The following SLC24A2 variants were observed in gnomAD, a reference collection of about 807,000 sequenced individuals.
SLC24A2 encodes sodium/potassium/calcium exchanger 2.
SLC24A2 carries 36 observed loss-of-function variants against 62.0 expected under a neutral mutation model. The observed-to-expected ratio is 0.58, with a 90% CI of 0.44 to 0.77. The LOEUF (loss-of-function observed/expected upper bound fraction) is 0.77. Among genes scored for constraint, SLC24A2 ranks in the 30% least tolerant of loss-of-function variants. The pLI is 0.00. For missense variants in SLC24A2, 846 were observed against 817.9 expected (o/e 1.03, Z -0.42); for synonymous variants, 358 against 294.0 (o/e 1.22, Z -2.23).
the SLC24A2 span, among the ~76,000 whole-genome samples, chr9:20,303,064 T>C: frequency 2.0e-4 from 31 of 152,224 alleles, no homozygotes; most frequent in African/African-American, 3.9e-4. Context: ...CATGTGACAA[T>C]ATCCATCTTA....
At chr9:20,060,102 T>C in the SLC24A2 span, among the ~76,000 whole-genome samples, 2 of 152,042 alleles carry the variant, frequency 1.3e-5, no homozygotes, top group African/African-American at 4.8e-5. Flanking sequence ...AAATTTGCTC[T>C]TGAAGAAATA....
rs1243368144 is a variant in SLC24A2 at position 19,521,874 on chromosome 9, C to CT, written c.1570-815dup. Among the ~76,000 whole-genome samples, 824 of 130,844 alleles carry CT rather than the reference C, an allele frequency of 6.3e-3. 3 individuals carry two copies. Among genetic ancestry groups the CT allele is most frequent in the African/African-American group, 0.019 (664 of 34,984 alleles). 85.8% of individuals were successfully genotyped at this position (130,844 alleles called of 152,430 possible). Reference sequence around the variant, plus strand: ...GCTATTACTTTTTTTCTTTTTTTTTCTTTTTTTTTTTTTGGTCTTTTTCTT... The same window carrying CT: ...GCTATTACTTTTTTTCTTTTTTTTTCTTTTTTTTTTTTTTGGTCTTTTTCTT... On this transcript the variant is annotated intron_variant, in intron 9 of 10. Transcript: ENST00000341998.
At chr9:19,916,827 A>G in the SLC24A2 span, among the ~76,000 whole-genome samples, 1 of 151,836 alleles carries the variant, frequency 6.6e-6, no homozygotes, top group Non-Finnish European at 1.5e-5. Context: ...TGCATGTTTA[A>G]CATCCTTCTT....
intron 9 of SLC24A2, among the ~76,000 whole-genome samples, chr9:19,524,614 T>G (rs1356129801): frequency 1.3e-5 from 2 of 152,212 alleles, no homozygotes; most frequent in Non-Finnish European, 2.9e-5. Context: ...GAGCTAGACT[T>G]CTTGGAACAG....
intron 2 of SLC24A2, among the ~76,000 whole-genome samples, chr9:19,751,693 G>T (rs1821989925): frequency 6.6e-6 from 1 of 152,174 alleles, no homozygotes; most frequent in South Asian, 2.1e-4. Flanking sequence ...CCAAGCATGA[G>T]ACTTGTAGGT....
At chr9:20,033,648 A>G in the SLC24A2 span, among the ~76,000 whole-genome samples, 2 of 152,190 alleles carry the variant, frequency 1.3e-5, no homozygotes, top group African/African-American at 4.8e-5. Flanking sequence ...CTGATAATAC[A>G]TTAGCATGGT....
the SLC24A2 span, among the ~76,000 whole-genome samples, chr9:20,291,754 G>A: frequency 2.2e-4 from 34 of 152,268 alleles, no homozygotes; most frequent in East Asian, 1.9e-4. Flanking sequence ...GATCTTGAAC[G>A]TAACAAAGAT....
chr9:20,009,475 G>T, the SLC24A2 span, among the ~76,000 whole-genome samples: 1 of 151,714 alleles, frequency 6.6e-6, no homozygotes, highest in South Asian at 2.1e-4. Flanking sequence ...TTTGGCCAAT[G>T]GAGCAATGGA....
At chr9:20,257,118 G>T in the SLC24A2 span, among the ~76,000 whole-genome samples, 549 of 152,224 alleles carry the variant, frequency 3.6e-3, 2 homozygotes, top group African/African-American at 0.012. Flanking sequence ...TTTTAAATTG[G>T]TTGTGGGTCT....
At chr9:19,622,367 T>G in intron 2 of SLC24A2, 68 bp from the exon 3 acceptor site, 3 of 1,438,364 alleles carry the variant, frequency 2.1e-6, no homozygotes, top group Non-Finnish European at 2.9e-6. Flanking sequence ...CATATGGCAT[T>G]TACATTTAAT....
chr9:19,866,737 T>G, the SLC24A2 span, among the ~76,000 whole-genome samples: 1 of 145,664 alleles, frequency 6.9e-6, no homozygotes, highest in Non-Finnish European at 1.5e-5. Flanking sequence ...CCCAGGTTCA[T>G]GCCATTCTCC....
the SLC24A2 span, among the ~76,000 whole-genome samples, chr9:20,304,527 G>A: frequency 7.2e-5 from 11 of 152,122 alleles, no homozygotes; most frequent in South Asian, 2.1e-4. Context: ...AAACACATGC[G>A]TAAGTTTGGA....
At chr9:20,057,168 T>C in the SLC24A2 span, among the ~76,000 whole-genome samples, 3 of 152,248 alleles carry the variant, frequency 2.0e-5, no homozygotes, top group Non-Finnish European at 4.4e-5. Flanking sequence ...AAGATTCATA[T>C]TCTCAGTGAA....
the SLC24A2 span, among the ~76,000 whole-genome samples, chr9:20,164,832 T>C: frequency 9.9e-5 from 15 of 151,806 alleles, no homozygotes; most frequent in Non-Finnish European, 2.2e-4. Flanking sequence ...ATGTCCTTTT[T>C]AGGGACATGG....
chr9:19,940,157 T>G, the SLC24A2 span, among the ~76,000 whole-genome samples: 1 of 152,224 alleles, frequency 6.6e-6, no homozygotes, highest in East Asian at 1.9e-4. Flanking sequence ...TTGCATTGTT[T>G]TCCTTTAGGG....
At chr9:19,563,290 T>G (rs1016351002) in intron 7 of SLC24A2, among the ~76,000 whole-genome samples, 2 of 152,172 alleles carry the variant, frequency 1.3e-5, no homozygotes, top group African/African-American at 4.8e-5. Context: ...TTATTATACT[T>G]CACTGATGTT....
At chr9:19,960,778 G>A in the SLC24A2 span, among the ~76,000 whole-genome samples, 1 of 152,118 alleles carries the variant, frequency 6.6e-6, no homozygotes, top group Non-Finnish European at 1.5e-5. Context: ...TTACTCCTGT[G>A]TAAAAAATGA....
At chr9:19,975,214 T>C in the SLC24A2 span, among the ~76,000 whole-genome samples, 1 of 152,166 alleles carries the variant, frequency 6.6e-6, no homozygotes, top group African/African-American at 2.4e-5. Flanking sequence ...CTTAGCTTTT[T>C]TGGGCTCCCT....
chr9:19,981,617 G>A, the SLC24A2 span, among the ~76,000 whole-genome samples: 1 of 152,138 alleles, frequency 6.6e-6, no homozygotes, highest in South Asian at 2.1e-4. Flanking sequence ...TGCAATCATA[G>A]GTAGTTGATC....
Sources: allele counts gnomAD v4.1 joint callset (sites outside exome capture counted in the v4.1 genomes callset), GRCh38; gene constraint gnomAD v4.1.1; transcripts MANE v1.5; gene names NCBI Gene and HGNC (gene_info 2026-07-23, HGNC 2026-07-21).